Variants in CEP85L observed in about 807,000 individuals in gnomAD.
The protein encoded by CEP85L is centrosomal protein of 85 kDa-like.
In CEP85L, 60 loss-of-function variants were observed where a neutral mutation model predicts 100.3. The ratio of observed to expected loss-of-function variants is 0.60; its 90% CI spans 0.49 to 0.74. The LOEUF (loss-of-function observed/expected upper bound fraction) is 0.74. Among genes scored for constraint, CEP85L ranks in the 30% least tolerant of loss-of-function variants. The pLI is 0.00. For missense variants in CEP85L, 973 were observed against 936.2 expected (o/e 1.04, Z -0.51); for synonymous variants, 319 against 322.7 (o/e 0.99, Z 0.12).
intron 5 of CEP85L, among the ~76,000 whole-genome samples, chr6:118,506,204 C>T (rs1009704730): frequency 2.0e-5 from 3 of 152,146 alleles, no homozygotes; most frequent in African/African-American, 7.2e-5. Context: ...GCAATTTTAA[C>T]TAGTGCACTA....
intron 3 of CEP85L, among the ~76,000 whole-genome samples, chr6:118,545,353 G>C (rs1778134950): frequency 6.6e-6 from 1 of 152,212 alleles, no homozygotes; most frequent in Non-Finnish European, 1.5e-5. Context: ...ACTTTGGGAG[G>C]CCGAGGTGGG....
At chr6:118,501,943 G>A (rs1775332279) in intron 5 of CEP85L, 1 of 953,246 alleles carries the variant, frequency 1.0e-6, no homozygotes, top group Non-Finnish European at 1.6e-6. Flanking sequence ...GAGACAGTAG[G>A]AGCAGCTTGA....
chr6:118,571,230 G>A (rs1779869094), intron 2 of CEP85L, among the ~76,000 whole-genome samples: 1 of 152,062 alleles, frequency 6.6e-6, no homozygotes, highest in Non-Finnish European at 1.5e-5. Context: ...GCTTGATTAG[G>A]CTACCTAATT....
At chr6:118,617,084 A>C (rs1422166491) in intron 2 of CEP85L, among the ~76,000 whole-genome samples, 3 of 152,190 alleles carry the variant, frequency 2.0e-5, no homozygotes, top group Non-Finnish European at 4.4e-5. Context: ...TGCGCTTTGC[A>C]GGAGATACAA....
At chr6:118,661,690 A>T (rs1475791514) in intron 1 of CEP85L, among the ~76,000 whole-genome samples, 1 of 152,182 alleles carries the variant, frequency 6.6e-6, no homozygotes, top group East Asian at 1.9e-4. Flanking sequence ...TAAATATATT[A>T]TTAGTGGTAA....
intron 1 of CEP85L, among the ~76,000 whole-genome samples, chr6:118,701,681 A>T (rs1285067326): frequency 6.6e-6 from 1 of 152,178 alleles, no homozygotes; most frequent in African/African-American, 2.4e-5. Flanking sequence ...TATGTTCAGT[A>T]CCTGGGTGAT....
At chr6:118,651,709 ACT>A, upstream of CEP85L, 2 of 417,458 alleles carry the variant, frequency 4.8e-6, no homozygotes, top group Non-Finnish European at 5.7e-6. Context: ...GGGGGCGGGG[ACT>A]GCGGGGGGCG....
intron 5 of CEP85L, among the ~76,000 whole-genome samples, chr6:118,509,898 G>T (rs988222678): frequency 6.6e-6 from 1 of 152,048 alleles, no homozygotes; most frequent in Non-Finnish European, 1.5e-5. Flanking sequence ...AGCCATTCCA[G>T]TCATATAAAT....
intron 5 of CEP85L, among the ~76,000 whole-genome samples, chr6:118,499,977 C>T (rs905282329): frequency 3.3e-5 from 5 of 152,118 alleles, no homozygotes; most frequent in Non-Finnish European, 5.9e-5. Context: ...ACATGATCAT[C>T]TTTTATAAAA....
rs145456908 is a variant in CEP85L at position 118,492,216 on chromosome 6, A to T, written c.1258-351T>A. 1.4e-3 allele frequency among the ~76,000 whole-genome samples: 206 copies of T among 152,280 alleles called. 2 individuals are homozygous for T. The East Asian group carries it at 0.029, about 21-fold the overall frequency. ...GTATACTTCAACATGTAAATAGTAC[A>T]GTATATACATTAATCATATAAAAGT... is the stretch of plus-strand genomic sequence containing the variant. On this transcript the variant is annotated intron_variant, in intron 5 of 12. Transcript: ENST00000368491.
chr6:118,488,043 A>C (rs1310533319), intron 6 of CEP85L, among the ~76,000 whole-genome samples: 1 of 152,116 alleles, frequency 6.6e-6, no homozygotes, highest in Non-Finnish European at 1.5e-5. Flanking sequence ...AAAGATATGA[A>C]AAGCCCCCCT....
At chr6:118,488,701 C>G (rs1038850717) in intron 6 of CEP85L, among the ~76,000 whole-genome samples, 1 of 152,026 alleles carries the variant, frequency 6.6e-6, no homozygotes, top group Admixed American at 6.6e-5. Flanking sequence ...ACATCCAGAT[C>G]CAGGGGACCC....
intron 2 of CEP85L, among the ~76,000 whole-genome samples, chr6:118,576,133 C>T (rs1780218209): frequency 6.6e-6 from 1 of 152,150 alleles, no homozygotes; most frequent in African/African-American, 2.4e-5. Context: ...AATCACCTAA[C>T]CAAATTAATT....
intron 2 of CEP85L, among the ~76,000 whole-genome samples, chr6:118,626,348 TA>T (rs2115299176): frequency 6.6e-6 from 1 of 152,288 alleles, no homozygotes; most frequent in African/African-American, 2.4e-5. Context: ...AAACCAGAGT[TA>T]AAGAAAAGAT....
At chr6:118,532,497 C>T (rs900163143) in intron 3 of CEP85L, among the ~76,000 whole-genome samples, 4 of 152,016 alleles carry the variant, frequency 2.6e-5, no homozygotes, top group African/African-American at 9.7e-5. Flanking sequence ...TGGTTATGTA[C>T]CCCTGAACCC....
intron 2 of CEP85L, among the ~76,000 whole-genome samples, chr6:118,630,496 C>T (rs1774076358): frequency 1.3e-5 from 2 of 152,198 alleles, no homozygotes; most frequent in Non-Finnish European, 2.9e-5. Flanking sequence ...CTGTTTACAG[C>T]AACTTTCCTC....
intron 1 of CEP85L, among the ~76,000 whole-genome samples, chr6:118,701,493 G>A (rs987036169): frequency 6.6e-6 from 1 of 152,120 alleles, no homozygotes; most frequent in Non-Finnish European, 1.5e-5. Context: ...TGCAGTTTAT[G>A]GTCATTATCC....
At chr6:118,584,309 T>C (rs1006566092) in intron 2 of CEP85L, among the ~76,000 whole-genome samples, 2 of 152,144 alleles carry the variant, frequency 1.3e-5, no homozygotes, top group Non-Finnish European at 2.9e-5. Context: ...ACCAGAGCAT[T>C]AGGGAAGGAG....
chr6:118,623,105 T>G (rs1402007086), intron 2 of CEP85L, among the ~76,000 whole-genome samples: 2 of 152,204 alleles, frequency 1.3e-5, no homozygotes, highest in Admixed American at 6.5e-5. Flanking sequence ...CATACAGGTT[T>G]TGAAAGTACC....
Sources: gnomAD v4.1 joint callset for allele counts (sites outside exome capture counted in the v4.1 genomes callset) on GRCh38, gnomAD v4.1.1 for gene constraint, MANE v1.5 for transcripts, NCBI Gene and HGNC (gene_info 2026-07-23, HGNC 2026-07-21) for gene names.